Variants in TSHZ2 observed in about 807,000 individuals in gnomAD.
The protein encoded by TSHZ2 is teashirt zinc finger homeobox 2.
A neutral mutation model predicts 74.4 loss-of-function variants in TSHZ2; 21 were observed. That is an observed-to-expected ratio of 0.28 (90% confidence interval 0.20 to 0.41). TSHZ2 has a LOEUF of 0.41. Among genes scored for constraint, TSHZ2 ranks in the 10% least tolerant of loss-of-function variants. The probability of loss-of-function intolerance (pLI) is 1.00; values close to 1 mark genes in which losing one functional copy is unlikely to be tolerated. For missense variants in TSHZ2, 1,244 were observed against 1,293.5 expected (o/e 0.96, Z 0.59); for synonymous variants, 540 against 515.3 (o/e 1.05, Z -0.65).
At chr20:53,307,299 A>G (rs999481300) in intron 2 of TSHZ2, among the ~76,000 whole-genome samples, 9 of 120,544 alleles carry the variant, frequency 7.5e-5, no homozygotes, top group African/African-American at 3.0e-4. Context: ...TTCCAAGTAC[A>G]AAAGAGCTGA....
At chr20:53,164,480 T>C (rs1988020358) in intron 1 of TSHZ2, among the ~76,000 whole-genome samples, 1 of 151,938 alleles carries the variant, frequency 6.6e-6, no homozygotes, top group African/African-American at 2.4e-5. Flanking sequence ...AGGAACTAAA[T>C]ATTAATTAAC....
chr20:53,310,500 G>A (rs1568862906), intron 2 of TSHZ2, among the ~76,000 whole-genome samples: 2 of 152,222 alleles, frequency 1.3e-5, no homozygotes, highest in Non-Finnish European at 2.9e-5. Flanking sequence ...AGTTAGGTGA[G>A]CCCTCTGCAT....
At chr20:52,978,081 C>G (rs1188833526) in intron 1 of TSHZ2, among the ~76,000 whole-genome samples, 1 of 152,188 alleles carries the variant, frequency 6.6e-6, no homozygotes, top group Non-Finnish European at 1.5e-5. Context: ...TTGTCATAGT[C>G]TCCAACGGAC....
At chr20:53,432,441 G>A (rs917556798) in intron 2 of TSHZ2, among the ~76,000 whole-genome samples, 3 of 152,316 alleles carry the variant, frequency 2.0e-5, no homozygotes, top group African/African-American at 7.2e-5. Flanking sequence ...ACATACATGT[G>A]CAGGTGCCTT....
At chr20:53,455,596 G>A (rs1255514505) in intron 2 of TSHZ2, among the ~76,000 whole-genome samples, 9 of 151,882 alleles carry the variant, frequency 5.9e-5, no homozygotes, top group Non-Finnish European at 1.0e-4. Context: ...AAGTTTTAGG[G>A]TACATGTGCA....
At chr20:53,424,886 G>A (rs1161901433) in intron 2 of TSHZ2, among the ~76,000 whole-genome samples, 3 of 152,152 alleles carry the variant, frequency 2.0e-5, no homozygotes, top group East Asian at 1.9e-4. Flanking sequence ...CCCTGGAAAG[G>A]ACATGATCTC....
At chr20:53,088,751 C>T in intron 1 of TSHZ2, among the ~76,000 whole-genome samples, 1 of 152,082 alleles carries the variant, frequency 6.6e-6, no homozygotes, top group East Asian at 1.9e-4. Flanking sequence ...TAATTGAAGG[C>T]TCACTCTGTC....
intron 2 of TSHZ2, among the ~76,000 whole-genome samples, chr20:53,323,562 GCTTTTTTTT>G (rs1979362592): frequency 1.6e-5 from 1 of 64,134 alleles, no homozygotes; most frequent in Admixed American, 1.7e-4. Flanking sequence ...GCCTTGGAGG[GCTTTTTTTT>G]TTTTTTTTTT....
chr20:53,493,561 TCTC>T lies in TSHZ2; in HGVS notation c.*6429_*6431del, dbSNP rs1986503389. Reference sequence around the variant, plus strand: ...TTTGTTTTTATGACCTCAAGATTCTTCTCCTTATTTATTCGGTTGCTGTTGTAA... The same window carrying T: ...TTTGTTTTTATGACCTCAAGATTCTTCTTATTTATTCGGTTGCTGTTGTAA... On this transcript the variant is annotated 3_prime_UTR_variant, in exon 3 of 3. Coordinates refer to ENST00000371497, the MANE Select transcript of TSHZ2 (RefSeq NM_173485.6). The T allele has an allele frequency of 6.6e-6, 1 of 152,220 alleles. No homozygotes were observed. The highest frequency in any genetic ancestry group is 1.5e-5 in the Non-Finnish European group (1 of 68,044). 9.4% of individuals were successfully genotyped at this position (152,220 alleles called of 1,614,324 possible). A position where few individuals can be genotyped will look rare whatever the true frequency, so the allele number is the denominator to read the frequency against.
intron 1 of TSHZ2, among the ~76,000 whole-genome samples, chr20:53,109,242 G>A (rs1461190273): frequency 6.6e-6 from 1 of 152,188 alleles, no homozygotes; most frequent in Non-Finnish European, 1.5e-5. Flanking sequence ...AAATGAGTTA[G>A]AGCTAAAGCT....
intron 1 of TSHZ2, among the ~76,000 whole-genome samples, chr20:53,142,236 T>C (rs962126897): frequency 4.5e-4 from 68 of 152,172 alleles, no homozygotes; most frequent in African/African-American, 8.9e-4. Flanking sequence ...AAGGTAATTT[T>C]GTTTCACTCT....
chr20:53,427,023 C>G (rs900941601), intron 2 of TSHZ2, among the ~76,000 whole-genome samples: 3 of 152,206 alleles, frequency 2.0e-5, no homozygotes, highest in Admixed American at 2.0e-4. Context: ...TCTTCACTTT[C>G]TACTCTTTTG....
At chr20:53,260,955 G>A (rs557695748) in intron 2 of TSHZ2, among the ~76,000 whole-genome samples, 2 of 152,276 alleles carry the variant, frequency 1.3e-5, no homozygotes, top group East Asian at 3.9e-4. Flanking sequence ...CCGTTGACTG[G>A]CCTCTTTTTA....
At chr20:53,252,588 A>G (rs969124558) in intron 1 of TSHZ2, among the ~76,000 whole-genome samples, 84 of 152,158 alleles carry the variant, frequency 5.5e-4, no homozygotes, top group African/African-American at 1.8e-3. Flanking sequence ...TTCCCTATGT[A>G]ATTACTGGTC....
chr20:53,323,045 GT>G (rs1431999761), intron 2 of TSHZ2, among the ~76,000 whole-genome samples: 1 of 152,168 alleles, frequency 6.6e-6, no homozygotes, highest in Non-Finnish European at 1.5e-5. Context: ...AGACTTTTCT[GT>G]TTAAAGCCAC....
At chr20:53,204,773 T>C (rs1989122728) in intron 1 of TSHZ2, among the ~76,000 whole-genome samples, 1 of 152,076 alleles carries the variant, frequency 6.6e-6, no homozygotes, top group East Asian at 1.9e-4. Flanking sequence ...ATGTGAACAT[T>C]GAGTATTAGA....
intron 1 of TSHZ2, among the ~76,000 whole-genome samples, chr20:53,221,063 G>T (rs1989543126): frequency 6.6e-6 from 1 of 152,176 alleles, no homozygotes; most frequent in Non-Finnish European, 1.5e-5. Flanking sequence ...CATAGGGGTG[G>T]TTTCCCCCAT....
chr20:53,001,230 G>A (rs2752912), intron 1 of TSHZ2, among the ~76,000 whole-genome samples: 157 of 126,058 alleles, frequency 1.2e-3, no homozygotes, highest in South Asian at 5.6e-3. Flanking sequence ...GTGTGTGTGT[G>A]TGTGTGTGTG....
intron 2 of TSHZ2, among the ~76,000 whole-genome samples, chr20:53,409,844 T>C (rs1982986644): frequency 1.5e-5 from 2 of 130,136 alleles, no homozygotes; most frequent in African/African-American, 2.9e-5. Context: ...CTTTTTTTTT[T>C]TTTTTTTTTT....
Sources: allele counts gnomAD v4.1 joint callset (sites outside exome capture counted in the v4.1 genomes callset), GRCh38; gene constraint gnomAD v4.1.1; transcripts MANE v1.5; gene names NCBI Gene and HGNC (gene_info 2026-07-23, HGNC 2026-07-21).